Variants in ZGRF1 observed in about 807,000 individuals in gnomAD.
ZGRF1 encodes 5'-3' DNA helicase ZGRF1.
Under a neutral mutation model 203.5 loss-of-function variants are expected in ZGRF1, and 196 were observed. The observed-to-expected ratio is 0.96, with a 90% CI of 0.86 to 1.08. ZGRF1 has a LOEUF of 1.08. Ranked by LOEUF, ZGRF1 falls within the 50% of genes least tolerant of loss-of-function variation. ZGRF1 has a pLI of 0.00. For missense variants in ZGRF1, 2,326 were observed against 2,416.3 expected (o/e 0.96, Z 0.78); for synonymous variants, 809 against 841.3 (o/e 0.96, Z 0.66).
chr4:112,557,496 G>GT (rs1207548156), intron 20 of ZGRF1, among the ~76,000 whole-genome samples: 1 of 152,108 alleles, frequency 6.6e-6, no homozygotes, highest in Non-Finnish European at 1.5e-5. Flanking sequence ...TACTTCTAAC[G>GT]TAACAGACCC....
chr4:112,546,072 G>GTAATAATAATAA (rs142640030), intron 24 of ZGRF1, among the ~76,000 whole-genome samples: 24,123 of 147,110 alleles, frequency 0.16, 2,583 homozygotes, highest in East Asian at 0.43. Flanking sequence ...GTACTTTAAA[G>GTAATAATAATAA]TAATAATAAT....
chr4:112,581,574 A>G, intron 16 of ZGRF1, 89 bp downstream of exon 16: 3 of 771,344 alleles, frequency 3.9e-6, no homozygotes, highest in Non-Finnish European at 5.4e-6. Context: ...ATTTAATATA[A>G]AATTCTTTAA....
chr4:112,619,495 T>A lies in ZGRF1; in HGVS notation c.547A>T (p.Lys183Ter). 1 of 1,613,410 alleles carries A rather than the reference T, an allele frequency of 6.2e-7. No individual in the cohort carries two copies. The highest frequency in any genetic ancestry group is 1.1e-5 in the South Asian group (1 of 90,888). ...TCCATGGCATTTCTCTCCCTGTTCTTGTAAGTCACAATGTTCTCAGGGTCT... is the reference window on the plus strand; with the variant it reads ...TCCATGGCATTTCTCTCCCTGTTCTAGTAAGTCACAATGTTCTCAGGGTCT... The part of the protein sequence containing the change: ...LADPENIVTY[K>*]NRERNAMDFS... Residue 183 changes from lysine (K) to a stop codon, truncating the protein, a stop_gained, in exon 6 of 28, where the codon AAG (lysine) becomes TAG (stop). Transcript: ENST00000505019. LOFTEE classifies it high-confidence loss of function.
At position 112,587,639 on chromosome 4, in the gene ZGRF1, T is replaced by C. The variant is rs775855152; in HGVS notation, c.3418A>G (p.Ile1140Val). The part of the protein sequence containing the change: ...VNPGDVSLNN[I>V]STQSKWLKYQ... ...TTCAGCCACTTGCTCTGAGTAGATA[T>C]ATTATTAAGTGAAACATCCCCTGGA... The change falls in exon 12 of 28, where the codon ATA becomes GTA. Residue 1140 changes from isoleucine to valine, a missense_variant. Physicochemically the swap from Ile to Val is conservative, Grantham distance 29. Coordinates refer to ENST00000505019, the MANE Select transcript of ZGRF1 (RefSeq NM_018392.5). 8 of 1,613,842 alleles carry C rather than the reference T, an allele frequency of 5.0e-6. No individual in the cohort carries two copies. The highest frequency in any genetic ancestry group is 3.3e-4 in the Middle Eastern group (2 of 6,062).
At chr4:112,552,160 C>T (rs1471500913) in intron 22 of ZGRF1, among the ~76,000 whole-genome samples, 1 of 151,808 alleles carries the variant, frequency 6.6e-6, no homozygotes, top group Non-Finnish European at 1.5e-5. Flanking sequence ...TGCCTGTAGT[C>T]CCAGCTACTC....
Position 112,548,312 on chromosome 4 carries a change from T to C in ZGRF1, c.5415A>G (p.Val1805=), listed in dbSNP as rs1418547335. 1 of 1,552,968 alleles carries C rather than the reference T, an allele frequency of 6.4e-7. No homozygotes were observed. Among genetic ancestry groups the C allele is most frequent in the African/African-American group, 1.4e-5 (1 of 73,044 alleles). ...TCTGACTACACTCATCCAGCACAAC[T>C]ACAGGAAATTTAAGATCATTCATGC... ...FPCMNDLKFP[V]VVLDECSQIT... Residue 1805 remains valine, a synonymous_variant, in exon 23 of 28, where the codon GTA becomes GTG. Transcript: ENST00000505019.
intron 7 of ZGRF1, among the ~76,000 whole-genome samples, chr4:112,609,746 CA>C (rs1751304275): frequency 6.7e-6 from 1 of 148,932 alleles, no homozygotes; most frequent in Admixed American, 6.7e-5. Flanking sequence ...TGCAGTGGGC[CA>C]AGATTGCGCC....
rs1253563666 is a variant in ZGRF1, at chr4:112,539,413, T to TTTA, written c.*131_*133dup. 1.9e-6 allele frequency: 1 copy of TTTA among 515,206 alleles called. No homozygotes were observed. Among genetic ancestry groups the TTTA allele is most frequent in the Non-Finnish European group, 3.2e-6 (1 of 317,268 alleles). 31.9% of individuals were successfully genotyped at this position (515,206 alleles called of 1,614,324 possible). ...GTACACTTTTTTGAAGAACAAAATT[T>TTTA]TTACATGTGTTTACTATGTTATTTA... On this transcript the variant is annotated 3_prime_UTR_variant, in exon 28 of 28. Coordinates refer to ENST00000505019, the MANE Select transcript of ZGRF1 (RefSeq NM_018392.5).
intron 16 of ZGRF1, among the ~76,000 whole-genome samples, chr4:112,580,837 A>G (rs1746098371): frequency 6.6e-6 from 1 of 152,146 alleles, no homozygotes; most frequent in Admixed American, 6.5e-5. Flanking sequence ...GTGGGACTGT[A>G]AACTAGTTCA....
Position 112,539,443 on chromosome 4 carries a change from T to A in ZGRF1, c.*104A>T. The A allele has an allele frequency of 1.6e-6, 1 of 609,688 alleles. No individual in the cohort carries two copies. Among genetic ancestry groups the A allele is most frequent in the Non-Finnish European group, 2.5e-6 (1 of 394,446 alleles). 37.8% of individuals were successfully genotyped at this position (609,688 alleles called of 1,614,324 possible). The stretch of plus-strand genomic sequence containing the variant: ...ATGTGTTTACTATGTTATTTAAATA[T>A]CATATTTTTAATAAGAGGGTTTAGA... On this transcript the variant is annotated 3_prime_UTR_variant, in exon 28 of 28. Transcript: ENST00000505019.
In ZGRF1 at chr4:112,618,993, C is replaced by A. The variant is rs1370893686; in HGVS notation, c.1049G>T (p.Arg350Met). 1 of 1,613,574 alleles carries A rather than the reference C, an allele frequency of 6.2e-7. No homozygotes were observed. The highest frequency in any genetic ancestry group is 1.7e-5 in the Admixed American group (1 of 59,942). ...ATCATCTTCCTGGGCCTTGGGTTTC[C>A]TTTCTGTATCATTCCCATCTACAGT... ...SSTVDGNDTERKPKAQEDDVN... is the reference protein window; with the variant it reads ...SSTVDGNDTEMKPKAQEDDVN... Residue 350 changes from arginine to methionine, a missense_variant, in exon 6 of 28, where the codon AGG becomes ATG. Physicochemically the swap from Arg to Met is moderately conservative, Grantham distance 91 (BLOSUM62 -1). Coordinates refer to ENST00000505019, the MANE Select transcript of ZGRF1 (RefSeq NM_018392.5).
chr4:112,611,867 G>T (rs1399663901), intron 7 of ZGRF1, among the ~76,000 whole-genome samples: 1 of 152,156 alleles, frequency 6.6e-6, no homozygotes, highest in Non-Finnish European at 1.5e-5. Flanking sequence ...GAAAATCAAC[G>T]TGTAACAAGA....
chr4:112,570,728 C>T (rs1436779110), intron 16 of ZGRF1, among the ~76,000 whole-genome samples: 3 of 151,812 alleles, frequency 2.0e-5, no homozygotes, highest in African/African-American at 4.8e-5. Context: ...AAAACACATG[C>T]TAAATGACTC....
chr4:112,619,429 C>A lies in ZGRF1; in HGVS notation c.613G>T (p.Glu205Ter). 1 of 1,612,410 alleles carries A rather than the reference C, an allele frequency of 6.2e-7. No individual in the cohort carries two copies. The highest frequency in any genetic ancestry group is 8.5e-7 in the Non-Finnish European group (1 of 1,179,306). ...VFSPSFQINPEVLCEENYFCS... is the reference protein window; with the variant it reads ...VFSPSFQINP Reference sequence around the variant, plus strand: ...AAATAATTTTCTTCACACAGCACTTCTGGGTTAATCTGGAAGGATGGAGAA... The same window carrying A: ...AAATAATTTTCTTCACACAGCACTTATGGGTTAATCTGGAAGGATGGAGAA... The change falls in exon 6 of 28, where the codon GAA (glutamate) becomes TAA (stop). Residue 205 changes from glutamate to a stop codon, truncating the protein, a stop_gained. Transcript: ENST00000505019. LOFTEE classifies it high-confidence loss of function.
intron 16 of ZGRF1, among the ~76,000 whole-genome samples, chr4:112,580,390 C>T (rs1240515182): frequency 1.8e-4 from 26 of 142,780 alleles, no homozygotes; most frequent in Non-Finnish European, 2.8e-4. Context: ...GTCTAAAACA[C>T]GAAAAGCAAT....
At position 112,548,500 on chromosome 4, in the gene ZGRF1, C is replaced by A. The variant is rs1190475360; in HGVS notation, c.5347-120G>T. 2.0e-5 allele frequency: 14 copies of A among 689,962 alleles called. No homozygotes were observed. The East Asian group carries it at 4.1e-4, about 20-fold the overall frequency. The allele number at this position is 689,962 out of a possible 1,614,324, so 42.7% of individuals were successfully genotyped here. A position where few individuals can be genotyped will look rare whatever the true frequency, so the allele number is the denominator to read the frequency against. On this transcript the variant is annotated intron_variant, in intron 22 of 27. Transcript: ENST00000505019. The stretch of plus-strand genomic sequence containing the variant: ...GAGCTAGTCCTAATTTAATTCCTAG[C>A]CATCAGAAATCTTAGGTCATCGTAT...
chr4:112,630,254 AC>A (rs1255757905), intron 3 of ZGRF1, among the ~76,000 whole-genome samples: 7 of 152,360 alleles, frequency 4.6e-5, no homozygotes, highest in African/African-American at 1.7e-4. Context: ...GCAGTGGCTC[AC>A]GCCTGTAATC....
intron 6 of ZGRF1, among the ~76,000 whole-genome samples, chr4:112,616,377 T>C (rs1255269778): frequency 1.3e-5 from 2 of 148,886 alleles, no homozygotes; most frequent in African/African-American, 5.0e-5. Flanking sequence ...AAAAAAAAAT[T>C]AGCTGGGCAT....
At chr4:112,636,315 C>A (rs2047633839) in intron 1 of ZGRF1, among the ~76,000 whole-genome samples, 1 of 152,066 alleles carries the variant, frequency 6.6e-6, no homozygotes. Context: ...ACTATATGTA[C>A]GGACGCAATA....
Sources: allele counts gnomAD v4.1 joint callset (sites outside exome capture counted in the v4.1 genomes callset), GRCh38; gene constraint gnomAD v4.1.1; transcripts MANE v1.5; gene names NCBI Gene and HGNC (gene_info 2026-07-23, HGNC 2026-07-21).